GPHN: variants seen among roughly 807,000 people sequenced by gnomAD.
The protein encoded by GPHN is gephyrin.
Under a neutral mutation model 95.5 loss-of-function variants are expected in GPHN, and 17 were observed. That is an observed-to-expected ratio of 0.18 (90% CI 0.12 to 0.27). The LOEUF is 0.27. GPHN is among the 10% of genes least tolerant of loss of function. The pLI, the probability that GPHN is intolerant of heterozygous loss-of-function variation, is 1.00. For missense variants in GPHN, 660 were observed against 978.1 expected (o/e 0.67, Z 4.34); for synonymous variants, 320 against 322.5 (o/e 0.99, Z 0.08).
the GPHN span, among the ~76,000 whole-genome samples, chr14:67,320,861 C>T: frequency 1.9e-3 from 290 of 152,178 alleles, 2 homozygotes; most frequent in Middle Eastern, 3.4e-3. Context: ...TACTAAGATA[C>T]TACAAACTCA....
intron 1 of GPHN, among the ~76,000 whole-genome samples, chr14:66,568,839 A>G (rs1251400161): frequency 1.3e-5 from 2 of 152,078 alleles, no homozygotes; most frequent in Non-Finnish European, 2.9e-5. Context: ...TTGAATTTTT[A>G]TATTTTCAAC....
intron 1 of GPHN, among the ~76,000 whole-genome samples, chr14:66,617,401 C>T (rs1334057571): frequency 1.5e-5 from 2 of 133,018 alleles, no homozygotes; most frequent in African/African-American, 3.9e-5. Context: ...GGAAAAACCA[C>T]GGTTTCCCCA....
At chr14:67,440,942 T>C in the GPHN span, among the ~76,000 whole-genome samples, 2 of 152,110 alleles carry the variant, frequency 1.3e-5, no homozygotes, top group South Asian at 4.1e-4. Flanking sequence ...GTGTCATTAA[T>C]CCCTGACAAA....
chr14:67,341,551 G>A, the GPHN span, among the ~76,000 whole-genome samples: 3 of 150,862 alleles, frequency 2.0e-5, no homozygotes, highest in East Asian at 2.0e-4. Context: ...CGCCCCGTCC[G>A]GGAGGGAGGT....
chr14:66,663,280 A>G (rs987221011), intron 1 of GPHN, among the ~76,000 whole-genome samples: 3 of 152,224 alleles, frequency 2.0e-5, no homozygotes, highest in Non-Finnish European at 2.9e-5. Flanking sequence ...CAGACCTCTC[A>G]GCGGAAACCC....
chr14:67,180,714 C>T, intron 22 of GPHN, 90 bp from the exon 23 acceptor site: 1 of 1,278,326 alleles, frequency 7.8e-7, no homozygotes, highest in Non-Finnish European at 1.1e-6. Flanking sequence ...ACCCGCATTT[C>T]TGTCTGTTTA....
chr14:67,056,372 G>C (rs1366649066), intron 10 of GPHN, among the ~76,000 whole-genome samples: 1 of 151,996 alleles, frequency 6.6e-6, no homozygotes, highest in East Asian at 1.9e-4. Context: ...CCTTGAGCAA[G>C]ACGCAGAGCA....
chr14:66,543,123 G>A (rs1305751697), intron 1 of GPHN, among the ~76,000 whole-genome samples: 1 of 152,092 alleles, frequency 6.6e-6, no homozygotes, highest in Admixed American at 6.5e-5. Flanking sequence ...AGGGGGGTTG[G>A]TGCTAAAATT....
At chr14:66,927,348 CAAA>C (rs144817350) in intron 8 of GPHN, among the ~76,000 whole-genome samples, 5 of 100,088 alleles carry the variant, frequency 5.0e-5, no homozygotes, top group Non-Finnish European at 7.6e-5. Context: ...GACTCCATCT[CAAA>C]AAAAAAAAAA....
chr14:66,772,637 C>A lies in GPHN; in HGVS notation c.144-3827C>A, dbSNP rs550456887. ...GCCAAATTCACAGGTACACGTTTAG[C>A]ACTATTTCTTCCTGAATAGAGTATT... On this transcript the variant is annotated intron_variant, in intron 2 of 22. Transcript: ENST00000478722. Among the ~76,000 whole-genome samples the A allele has an allele frequency of 2.6e-5, 4 of 152,294 alleles. No individual in the cohort carries two copies. The South Asian group carries it at 8.3e-4, about 32-fold the overall frequency.
intron 3 of GPHN, among the ~76,000 whole-genome samples, chr14:66,806,080 G>A (rs547609988): frequency 6.6e-5 from 10 of 152,260 alleles, no homozygotes; most frequent in Admixed American, 1.3e-4. Context: ...TCTAGATGGC[G>A]GTTCCCAAAC....
intron 4 of GPHN, among the ~76,000 whole-genome samples, chr14:66,857,753 A>T (rs1256421435): frequency 6.6e-6 from 1 of 152,144 alleles, no homozygotes; most frequent in Non-Finnish European, 1.5e-5. Context: ...GAGACACTGA[A>T]AGGGATAGGA....
rs563030806 is a variant in GPHN, at chr14:66,536,036, A to G, written c.64+27445A>G. Among the ~76,000 whole-genome samples the G allele has an allele frequency of 9.9e-5, 15 of 152,274 alleles. No individual in the cohort carries two copies. In the South Asian group the frequency reaches 1.5e-3, roughly 15 times the overall value. ...AGGGGAAAATGTTCAATATTTACCAATTATGATGTTAGTTGTAAGTTTTAT... is the reference window on the plus strand; with the variant it reads ...AGGGGAAAATGTTCAATATTTACCAGTTATGATGTTAGTTGTAAGTTTTAT... On this transcript the variant is annotated intron_variant, in intron 1 of 22. Coordinates refer to ENST00000478722, the MANE Select transcript of GPHN (RefSeq NM_020806.5).
chr14:67,541,754 G>A, the GPHN span: 1 of 948,390 alleles, frequency 1.1e-6, no homozygotes, highest in Non-Finnish European at 1.5e-6. Context: ...CTGTCCTTTG[G>A]TCCCCTCCCG....
intron 1 of GPHN, chr14:66,509,210 C>T (rs2057929861): frequency 6.5e-6 from 1 of 153,898 alleles, no homozygotes; most frequent in East Asian, 1.9e-4. Context: ...GCGTCCGGAC[C>T]TCGGAAAGTG....
chr14:67,233,714 G>T, the GPHN span, among the ~76,000 whole-genome samples: 1 of 152,192 alleles, frequency 6.6e-6, no homozygotes, highest in Non-Finnish European at 1.5e-5. Flanking sequence ...TGGGGATGGG[G>T]AGAAGTGGTT....
chr14:66,822,587 A>T (rs2061240840), intron 3 of GPHN, among the ~76,000 whole-genome samples: 1 of 152,218 alleles, frequency 6.6e-6, no homozygotes, highest in African/African-American at 2.4e-5. Context: ...ATAAATGTTT[A>T]CTTAGTCAAC....
chr14:67,111,170 A>G (rs1262103572), intron 14 of GPHN, among the ~76,000 whole-genome samples: 1 of 152,220 alleles, frequency 6.6e-6, no homozygotes, highest in Non-Finnish European at 1.5e-5. Flanking sequence ...TTCCATATGT[A>G]AGGCTTATAA....
intron 3 of GPHN, among the ~76,000 whole-genome samples, chr14:66,821,233 A>G (rs1463804391): frequency 6.6e-6 from 1 of 152,260 alleles, no homozygotes; most frequent in East Asian, 1.9e-4. Flanking sequence ...TTGGTACAGT[A>G]AATAGCTAAG....
Sources: gnomAD v4.1 joint callset for allele counts (sites outside exome capture counted in the v4.1 genomes callset) on GRCh38, gnomAD v4.1.1 for gene constraint, MANE v1.5 for transcripts, NCBI Gene and HGNC (gene_info 2026-07-23, HGNC 2026-07-21) for gene names.